STARD13: variants seen among roughly 807,000 people sequenced by gnomAD.
STARD13 encodes stAR-related lipid transfer protein 13.
In STARD13, 62 loss-of-function variants were observed where a neutral mutation model predicts 106.4. That is an observed-to-expected ratio of 0.58 (90% confidence interval 0.48 to 0.72). The LOEUF (loss-of-function observed/expected upper bound fraction) is 0.72, where lower values mean the gene tolerates loss of function less well. Ranked by LOEUF, STARD13 falls within the 30% of genes least tolerant of loss-of-function variation. The pLI is 0.00. For synonymous variants in STARD13, 565 were observed against 553.0 expected (o/e 1.02, Z -0.31); for missense variants, 1,387 against 1,424.0 (o/e 0.97, Z 0.42).
chr13:33,466,234 G>A, the STARD13 span, among the ~76,000 whole-genome samples: 5 of 152,160 alleles, frequency 3.3e-5, no homozygotes, highest in Non-Finnish European at 7.4e-5. Context: ...TAAAATGAAT[G>A]TTTTAAATCA....
chr13:33,473,351 C>T, the STARD13 span, among the ~76,000 whole-genome samples: 2 of 152,154 alleles, frequency 1.3e-5, no homozygotes, highest in Non-Finnish European at 2.9e-5. Context: ...GTAATTTACA[C>T]AATTTTACAG....
intron 1 of STARD13, among the ~76,000 whole-genome samples, chr13:33,349,884 A>G (rs1254719581): frequency 6.6e-6 from 1 of 152,124 alleles, no homozygotes; most frequent in Non-Finnish European, 1.5e-5. Context: ...CCACGTGGAG[A>G]AGGCGAAGTT....
At chr13:33,402,682 C>G in the STARD13 span, among the ~76,000 whole-genome samples, 1 of 152,164 alleles carries the variant, frequency 6.6e-6, no homozygotes, top group Non-Finnish European at 1.5e-5. Flanking sequence ...AGCAGAGGAG[C>G]AGATAAGGAG....
chr13:33,333,626 A>C (rs2077862056), intron 1 of STARD13: 1 of 152,224 alleles, frequency 6.6e-6, no homozygotes. Flanking sequence ...GGGTCATCAG[A>C]GGTAAACTGA....
the STARD13 span, among the ~76,000 whole-genome samples, chr13:33,633,727 A>T: frequency 6.6e-6 from 1 of 152,218 alleles, no homozygotes; most frequent in African/African-American, 2.4e-5. Flanking sequence ...TTTATGTGAA[A>T]GGCAATTGCA....
At chr13:33,566,741 T>C in the STARD13 span, among the ~76,000 whole-genome samples, 15 of 147,676 alleles carry the variant, frequency 1.0e-4, 1 homozygote, top group African/African-American at 3.7e-4. Flanking sequence ...CGCAAGTCTT[T>C]TATAGAATTA....
At chr13:33,621,537 G>A in the STARD13 span, among the ~76,000 whole-genome samples, 4 of 151,454 alleles carry the variant, frequency 2.6e-5, no homozygotes. Context: ...GAAATTAGCC[G>A]GGTGTGGTGG....
the STARD13 span, among the ~76,000 whole-genome samples, chr13:33,457,744 T>G: frequency 6.6e-6 from 1 of 152,324 alleles, no homozygotes; most frequent in East Asian, 1.9e-4. Context: ...GGGATCTTTT[T>G]GGGGCCTCTT....
At chr13:33,456,050 T>A in the STARD13 span, among the ~76,000 whole-genome samples, 1 of 152,336 alleles carries the variant, frequency 6.6e-6, no homozygotes, top group Non-Finnish European at 1.5e-5. Flanking sequence ...TGTCCATGAA[T>A]AAAGTTTTAT....
intron 3 of STARD13, among the ~76,000 whole-genome samples, chr13:33,154,751 C>T (rs954137283): frequency 9.2e-5 from 14 of 152,126 alleles, no homozygotes; most frequent in African/African-American, 3.1e-4. Context: ...TAACTGTTTA[C>T]AATAATTGCA....
At chr13:33,612,657 C>T in the STARD13 span, among the ~76,000 whole-genome samples, 1 of 152,230 alleles carries the variant, frequency 6.6e-6, no homozygotes, top group Non-Finnish European at 1.5e-5. Flanking sequence ...GGCCATCAGA[C>T]AGCCCTGTAT....
At chr13:33,433,542 G>A in the STARD13 span, among the ~76,000 whole-genome samples, 143 of 152,216 alleles carry the variant, frequency 9.4e-4, 1 homozygote, top group African/African-American at 3.3e-3. Context: ...GTCACGTTCC[G>A]CCTTCCATCT....
At chr13:33,675,718 G>A in the STARD13 span, among the ~76,000 whole-genome samples, 1 of 152,132 alleles carries the variant, frequency 6.6e-6, no homozygotes, top group African/African-American at 2.4e-5. Context: ...AGGAGAGTAG[G>A]AACATGTGGA....
chr13:33,556,484 G>A, the STARD13 span, among the ~76,000 whole-genome samples: 6 of 151,982 alleles, frequency 3.9e-5, no homozygotes, highest in Admixed American at 3.3e-4. Flanking sequence ...GTCTCACTAA[G>A]TTGCCCAGGC....
intron 1 of STARD13, among the ~76,000 whole-genome samples, chr13:33,223,628 C>T (rs1888469896): frequency 6.6e-6 from 1 of 151,806 alleles, no homozygotes; most frequent in Non-Finnish European, 1.5e-5. Flanking sequence ...CACTGCAGTC[C>T]AGCCTGGGCA....
the STARD13 span, among the ~76,000 whole-genome samples, chr13:33,654,086 T>G: frequency 6.6e-6 from 1 of 152,300 alleles, no homozygotes. Context: ...AGTGAGAATG[T>G]AAAATGGTGC....
intron 1 of STARD13, among the ~76,000 whole-genome samples, chr13:33,170,357 C>T (rs1198505978): frequency 6.6e-6 from 1 of 152,108 alleles, no homozygotes; most frequent in African/African-American, 2.4e-5. Context: ...ACTTAAAATT[C>T]TGGTTGGACA....
At chr13:33,528,078 A>G in the STARD13 span, among the ~76,000 whole-genome samples, 1 of 150,152 alleles carries the variant, frequency 6.7e-6, no homozygotes, top group Non-Finnish European at 1.5e-5. Flanking sequence ...CTATATCTCA[A>G]CAAAGTAGTT....
chr13:33,275,805 G>A (rs1760653119), intron 1 of STARD13: 1 of 152,212 alleles, frequency 6.6e-6, no homozygotes, highest in Non-Finnish European at 1.5e-5. Context: ...TCAACATTCT[G>A]CCAACAGAGT....
Sources: gnomAD v4.1 joint callset for allele counts (sites outside exome capture counted in the v4.1 genomes callset) on GRCh38, gnomAD v4.1.1 for gene constraint, MANE v1.5 for transcripts, NCBI Gene and HGNC (gene_info 2026-07-23, HGNC 2026-07-21) for gene names.